Variants in SHTN1 observed in about 807,000 individuals in gnomAD.
SHTN1 encodes shootin-1.
Under a neutral mutation model 83.1 loss-of-function variants are expected in SHTN1, and 42 were observed. The ratio of observed to expected loss-of-function variants is 0.51; its 90% CI spans 0.39 to 0.65. SHTN1 has a LOEUF of 0.65. Ranked by LOEUF, SHTN1 falls within the 30% of genes least tolerant of loss-of-function variation. SHTN1 has a pLI of 0.00. For synonymous variants in SHTN1, 224 were observed against 247.7 expected (o/e 0.90, Z 0.90); for missense variants, 622 against 737.8 (o/e 0.84, Z 1.82).
At chr10:116,908,488 C>A (rs1352079725) in intron 14 of SHTN1, among the ~76,000 whole-genome samples, 2 of 152,108 alleles carry the variant, frequency 1.3e-5, no homozygotes, top group African/African-American at 4.8e-5. Context: ...AGTACTACAA[C>A]AACTATTCCC....
At chr10:117,044,584 CAAA>C (rs1480527710) in intron 2 of SHTN1, among the ~76,000 whole-genome samples, 3 of 152,026 alleles carry the variant, frequency 2.0e-5, no homozygotes, top group African/African-American at 7.2e-5. Flanking sequence ...AATTTGAAAT[CAAA>C]GAAGTAATTT....
chr10:117,078,877 A>G (rs1853205986), intron 1 of SHTN1, among the ~76,000 whole-genome samples: 1 of 152,122 alleles, frequency 6.6e-6, no homozygotes, highest in Admixed American at 6.5e-5. Flanking sequence ...CATCTATGTT[A>G]TCAAATCTGT....
chr10:117,004,985 C>T, intron 1 of SHTN1, 37 bp downstream of exon 1: 16 of 1,562,430 alleles, frequency 1.0e-5, no homozygotes, highest in Non-Finnish European at 1.4e-5. Flanking sequence ...GCCCACGGGC[C>T]GCGGCTGCCC....
chr10:117,048,330 A>C (rs558853186), intron 2 of SHTN1: 1 of 238,090 alleles, frequency 4.2e-6, no homozygotes, highest in Non-Finnish European at 6.8e-6. Flanking sequence ...CTAACTAATC[A>C]ACACTCATTC....
At chr10:117,021,773 C>A (rs979273685) in intron 2 of SHTN1, among the ~76,000 whole-genome samples, 3 of 152,144 alleles carry the variant, frequency 2.0e-5, no homozygotes, top group African/African-American at 7.2e-5. Flanking sequence ...GTACAACGGT[C>A]TATCAACAAA....
chr10:116,997,839 A>T lies in SHTN1; in HGVS notation c.58+7183T>A, dbSNP rs576024850. 7.4e-4 allele frequency among the ~76,000 whole-genome samples: 112 copies of T among 152,214 alleles called. 2 individuals are homozygous for T. In the South Asian group the frequency reaches 0.022, roughly 30 times the overall value. Reference sequence around the variant, plus strand: ...CAGGCGCGATGGCTCACGCCTGTAAACCCAGCACTTTGGGAGGCTGAGGCG... The same window carrying T: ...CAGGCGCGATGGCTCACGCCTGTAATCCCAGCACTTTGGGAGGCTGAGGCG... On this transcript the variant is annotated intron_variant, in intron 1 of 16. Transcript: ENST00000355371.
At position 116,952,666 on chromosome 10, in the gene SHTN1, T is replaced by TA. The variant is rs776167462; in HGVS notation, c.437-661dup. The stretch of plus-strand genomic sequence containing the variant: ...CTGTAAGCGCAAAAGCTTCTGGTGT[T>TA]AAAGTTACTTCTGTCACTCAAATGT... On this transcript the variant is annotated intron_variant, in intron 5 of 16. Transcript: ENST00000355371. Among the ~76,000 whole-genome samples, 5 of 152,344 alleles carry TA rather than the reference T, an allele frequency of 3.3e-5. No individual in the cohort carries two copies. In the East Asian group the frequency reaches 7.7e-4, roughly 24 times the overall value.
chr10:117,022,599 G>A (rs1233664355), intron 2 of SHTN1, among the ~76,000 whole-genome samples: 1 of 152,152 alleles, frequency 6.6e-6, no homozygotes, highest in Non-Finnish European at 1.5e-5. Context: ...TTCGTATTCA[G>A]TGTTTTGAAG....
In SHTN1 at chr10:117,071,159, TTTAA is replaced by T. The variant is rs1431149399; in HGVS notation, c.-188-22653_-188-22650del. ...TTTACAAGATTTAAGCAAAATGAGT[TTTAA>T]TTGTCTTTTTAAAGTAATTTTCTGT... On this transcript the variant is annotated intron_variant, in intron 1 of 17. Coordinates refer to the SHTN1 transcript ENST00000392901. 6.6e-5 allele frequency among the ~76,000 whole-genome samples: 10 copies of T among 152,274 alleles called. No homozygotes were observed. The Middle Eastern group carries it at 0.014, about 207-fold the overall frequency.
chr10:116,905,058 G>A (rs947885114), intron 15 of SHTN1, among the ~76,000 whole-genome samples: 8 of 151,582 alleles, frequency 5.3e-5, no homozygotes, highest in Non-Finnish European at 7.4e-5. Context: ...AAAATTAGCC[G>A]GGCGCGGTGG....
intron 1 of SHTN1, among the ~76,000 whole-genome samples, chr10:117,122,512 T>C (rs1448441536): frequency 6.6e-6 from 1 of 152,194 alleles, no homozygotes; most frequent in Non-Finnish European, 1.5e-5. Flanking sequence ...GATCCATAGT[T>C]AGTTGAAACA....
chr10:117,018,919 C>G (rs1047748676), intron 2 of SHTN1, among the ~76,000 whole-genome samples: 1 of 151,872 alleles, frequency 6.6e-6, no homozygotes, highest in African/African-American at 2.4e-5. Flanking sequence ...CTAGCCAGTA[C>G]AGTAAGGAAG....
intron 14 of SHTN1, among the ~76,000 whole-genome samples, chr10:116,911,182 C>T (rs1228666045): frequency 6.6e-6 from 1 of 152,126 alleles, no homozygotes; most frequent in Non-Finnish European, 1.5e-5. Context: ...AGTGCAGTAG[C>T]CGCTGATTCC....
At chr10:116,996,463 G>T (rs373276631) in intron 1 of SHTN1, among the ~76,000 whole-genome samples, 1 of 152,176 alleles carries the variant, frequency 6.6e-6, no homozygotes, top group Non-Finnish European at 1.5e-5. Flanking sequence ...CTTTTGTATC[G>T]ACAACCTTTA....
intron 2 of SHTN1, among the ~76,000 whole-genome samples, chr10:117,044,965 G>A (rs1467343234): frequency 6.6e-6 from 1 of 152,064 alleles, no homozygotes; most frequent in Non-Finnish European, 1.5e-5. Context: ...GCATATATAT[G>A]CAGAGCAAGT....
At chr10:116,907,780 C>G in intron 14 of SHTN1, 1 of 457,640 alleles carries the variant, frequency 2.2e-6, no homozygotes, top group South Asian at 1.6e-5. Context: ...AACCTCAAGT[C>G]TGGTATAACT....
chr10:116,902,605 C>A (rs1847789545), intron 15 of SHTN1, among the ~76,000 whole-genome samples: 1 of 152,168 alleles, frequency 6.6e-6, no homozygotes, highest in Middle Eastern at 3.2e-3. Context: ...ATTGGCATAT[C>A]AATCTAAAAA....
At chr10:116,889,639 A>C (rs1410068064) in intron 16 of SHTN1, among the ~76,000 whole-genome samples, 1 of 152,226 alleles carries the variant, frequency 6.6e-6, no homozygotes, top group Non-Finnish European at 1.5e-5. Flanking sequence ...TGGCAGAGTC[A>C]GAACAAGAGT....
intron 1 of SHTN1, among the ~76,000 whole-genome samples, chr10:117,053,244 A>G (rs1408308234): frequency 1.3e-5 from 2 of 151,860 alleles, no homozygotes; most frequent in African/African-American, 2.4e-5. Flanking sequence ...ACAAACAACA[A>G]AAGAAAAAAT....
Sources: gnomAD v4.1 joint callset for allele counts (sites outside exome capture counted in the v4.1 genomes callset) on GRCh38, gnomAD v4.1.1 for gene constraint, MANE v1.5 for transcripts, NCBI Gene and HGNC (gene_info 2026-07-23, HGNC 2026-07-21) for gene names.